Variants in CNTNAP2 observed in about 807,000 individuals in gnomAD.
The protein encoded by CNTNAP2 is contactin-associated protein-like 2.
A neutral mutation model predicts 155.2 loss-of-function variants in CNTNAP2; 98 were observed. The observed-to-expected ratio is 0.63, with a 90% CI of 0.54 to 0.75. CNTNAP2 has a LOEUF of 0.75. Among genes scored for constraint, CNTNAP2 ranks in the 30% least tolerant of loss-of-function variants. The probability of loss-of-function intolerance (pLI) is 0.00; values close to 1 mark genes in which losing one functional copy is unlikely to be tolerated. For missense variants in CNTNAP2, 1,727 were observed against 1,688.1 expected, an observed-to-expected ratio of 1.02 and a Z score of -0.40; for synonymous variants, 651 against 631.2, an observed-to-expected ratio of 1.03 and a Z score of -0.47.
chr7:146,642,695 A>G (rs1305155068), intron 1 of CNTNAP2, among the ~76,000 whole-genome samples: 4 of 152,066 alleles, frequency 2.6e-5, no homozygotes, highest in Non-Finnish European at 5.9e-5. Context: ...GGCTGGGTCA[A>G]ATGGTATTTC....
chr7:147,277,208 A>G (rs1258951819), intron 8 of CNTNAP2, among the ~76,000 whole-genome samples: 1 of 152,132 alleles, frequency 6.6e-6, no homozygotes, highest in South Asian at 2.1e-4. Flanking sequence ...TTTGTAATCA[A>G]GTTCATGCAT....
intron 1 of CNTNAP2, among the ~76,000 whole-genome samples, chr7:146,536,996 A>G (rs1797879103): frequency 6.6e-6 from 1 of 152,188 alleles, no homozygotes. Context: ...TGTGTAAGGT[A>G]GAAAGACATT....
chr7:146,331,028 G>T (rs1801175753), intron 1 of CNTNAP2, among the ~76,000 whole-genome samples: 1 of 152,124 alleles, frequency 6.6e-6, no homozygotes, highest in African/African-American at 2.4e-5. Context: ...ATCATGGCCG[G>T]GCGCGGTGGC....
At chr7:146,717,715 A>G (rs996095121) in intron 1 of CNTNAP2, among the ~76,000 whole-genome samples, 1 of 152,058 alleles carries the variant, frequency 6.6e-6, no homozygotes, top group Non-Finnish European at 1.5e-5. Flanking sequence ...AGTAGTGATG[A>G]TGATGGCAAG....
At chr7:148,321,008 G>T (rs1206468695) in intron 21 of CNTNAP2, among the ~76,000 whole-genome samples, 1 of 152,140 alleles carries the variant, frequency 6.6e-6, no homozygotes, top group African/African-American at 2.4e-5. Flanking sequence ...GTAAAGAGAG[G>T]TTTCTTCTAA....
rs148506236 is a variant in CNTNAP2 at position 147,900,395 on chromosome 7, C to T, written c.2099-3170C>T. 3.7e-3 allele frequency among the ~76,000 whole-genome samples: 564 copies of T among 152,180 alleles called. 1 individual carries two copies. The highest frequency in any genetic ancestry group is 8.3e-3 in the South Asian group (40 of 4,808). ...GTTGTTTGATAATTGCCTGGCACTT[C>T]CCCCTTCTTGCTTTCTCTCTCTCCT... On this transcript the variant is annotated intron_variant, in intron 13 of 23. Coordinates refer to ENST00000361727, the MANE Select transcript of CNTNAP2 (RefSeq NM_014141.6).
intron 3 of CNTNAP2, among the ~76,000 whole-genome samples, chr7:146,850,546 G>T (rs1794859403): frequency 6.6e-6 from 1 of 152,096 alleles, no homozygotes; most frequent in African/African-American, 2.4e-5. Flanking sequence ...AATATGTGAG[G>T]ATATAGATTA....
At chr7:147,573,600 G>A (rs1800335152) in intron 12 of CNTNAP2, among the ~76,000 whole-genome samples, 1 of 152,166 alleles carries the variant, frequency 6.6e-6, no homozygotes, top group African/African-American at 2.4e-5. Context: ...GACAGAGCGG[G>A]AAGTTTGTTA....
At chr7:147,359,811 G>A (rs1796117658) in intron 9 of CNTNAP2, among the ~76,000 whole-genome samples, 2 of 151,930 alleles carry the variant, frequency 1.3e-5, no homozygotes, top group South Asian at 4.2e-4. Flanking sequence ...GAAACAGCCT[G>A]CCACCCACCT....
chr7:147,424,632 T>C (rs1415845113), intron 10 of CNTNAP2, among the ~76,000 whole-genome samples: 2 of 152,130 alleles, frequency 1.3e-5, no homozygotes, highest in Non-Finnish European at 2.9e-5. Flanking sequence ...ATTCCATCTG[T>C]ATGTTGACTT....
At chr7:148,192,845 ATT>A (rs1343824484) in intron 18 of CNTNAP2, among the ~76,000 whole-genome samples, 1 of 151,990 alleles carries the variant, frequency 6.6e-6, no homozygotes. Context: ...ATATGACTTT[ATT>A]TTTTTCCTAT....
intron 1 of CNTNAP2, among the ~76,000 whole-genome samples, chr7:146,698,348 G>A (rs138267892): frequency 0.012 from 1,809 of 151,986 alleles, 20 homozygotes; most frequent in Middle Eastern, 0.054. Context: ...GCTTGCTACC[G>A]AAAATATTAC....
chr7:148,211,576 G>C (rs557783299), intron 18 of CNTNAP2, among the ~76,000 whole-genome samples: 4 of 152,092 alleles, frequency 2.6e-5, no homozygotes, highest in Admixed American at 6.6e-5. Context: ...TGGGAAATAG[G>C]CAAAAACTAT....
chr7:148,062,562 A>G (rs553707367), intron 15 of CNTNAP2, among the ~76,000 whole-genome samples: 68 of 152,296 alleles, frequency 4.5e-4, no homozygotes, highest in African/African-American at 1.5e-3. Flanking sequence ...TAAACAAAAT[A>G]AAGAACACAC....
intron 11 of CNTNAP2, among the ~76,000 whole-genome samples, chr7:147,530,467 C>T (rs913579333): frequency 3.3e-5 from 5 of 151,900 alleles, no homozygotes; most frequent in African/African-American, 7.3e-5. Flanking sequence ...GGTGAGCCAC[C>T]GCACCCAGCT....
intron 11 of CNTNAP2, among the ~76,000 whole-genome samples, chr7:147,502,659 A>T (rs1357940124): frequency 6.6e-6 from 1 of 151,952 alleles, no homozygotes; most frequent in Non-Finnish European, 1.5e-5. Context: ...CTCACACAAA[A>T]AAGAATATCT....
At chr7:148,227,122 A>G (rs894349564) in intron 19 of CNTNAP2, among the ~76,000 whole-genome samples, 19 of 152,170 alleles carry the variant, frequency 1.2e-4, no homozygotes, top group African/African-American at 4.6e-4. Flanking sequence ...GTGCCCCAAA[A>G]CGAGGGGAAA....
chr7:146,420,981 C>A (rs1796003812), intron 1 of CNTNAP2, among the ~76,000 whole-genome samples: 2 of 151,980 alleles, frequency 1.3e-5, no homozygotes, highest in African/African-American at 4.8e-5. Context: ...AACATATCCA[C>A]TTTACTATGC....
intron 1 of CNTNAP2, among the ~76,000 whole-genome samples, chr7:146,216,750 C>A (rs868610072): frequency 6.6e-6 from 1 of 152,206 alleles, no homozygotes; most frequent in Non-Finnish European, 1.5e-5. Flanking sequence ...AAATCACAAG[C>A]TAACCAGTGA....
Sources: allele counts gnomAD v4.1 joint callset (sites outside exome capture counted in the v4.1 genomes callset), GRCh38; gene constraint gnomAD v4.1.1; transcripts MANE v1.5; gene names NCBI Gene and HGNC (gene_info 2026-07-23, HGNC 2026-07-21).